DLGAP2: variants seen among roughly 807,000 people sequenced by gnomAD.
The protein encoded by DLGAP2 is DLG associated protein 2.
DLGAP2 carries 26 observed loss-of-function variants against 100.3 expected under a neutral mutation model. The observed-to-expected ratio is 0.26, with a 90% confidence interval of 0.19 to 0.36. The LOEUF (loss-of-function observed/expected upper bound fraction) is 0.36, where lower values mean the gene tolerates loss of function less well. Among genes scored for constraint, DLGAP2 ranks in the 10% least tolerant of loss-of-function variants. The pLI, the probability that DLGAP2 is intolerant of heterozygous loss-of-function variation, is 1.00. For synonymous variants in DLGAP2, 886 were observed against 630.1 expected (o/e 1.41, Z -6.08); for missense variants, 1,858 against 1,453.2 (o/e 1.28, Z -4.53).
At chr8:1,563,199 C>T (rs1264820288) in intron 5 of DLGAP2, among the ~76,000 whole-genome samples, 1 of 39,804 alleles carries the variant, frequency 2.5e-5, no homozygotes, top group Non-Finnish European at 4.7e-5. Context: ...GGGGTGTCTG[C>T]GCCTCGTTAC....
intron 12 of DLGAP2, among the ~76,000 whole-genome samples, chr8:1,689,696 T>C (rs886451376): frequency 6.6e-6 from 1 of 152,102 alleles, no homozygotes; most frequent in African/African-American, 2.4e-5. Flanking sequence ...TGACGCCCCG[T>C]GAGCCAGCTC....
chr8:1,656,747 T>G (rs1798293948), intron 8 of DLGAP2, among the ~76,000 whole-genome samples: 1 of 152,218 alleles, frequency 6.6e-6, no homozygotes, highest in Non-Finnish European at 1.5e-5. Flanking sequence ...TTACTATATG[T>G]GTGGCTCTCT....
intron 2 of DLGAP2, among the ~76,000 whole-genome samples, chr8:917,781 G>A (rs914421481): frequency 6.6e-6 from 1 of 151,922 alleles, no homozygotes; most frequent in South Asian, 2.1e-4. Flanking sequence ...GGGTTTCACC[G>A]TGTTGGCCAG....
intron 3 of DLGAP2, among the ~76,000 whole-genome samples, chr8:1,438,237 C>G (rs1797708773): frequency 6.6e-6 from 1 of 152,130 alleles, no homozygotes; most frequent in Non-Finnish European, 1.5e-5. Flanking sequence ...GTGTCTCAGA[C>G]TTTGAAGTCT....
chr8:1,311,458 C>T lies in DLGAP2; in HGVS notation c.106+52575C>T, dbSNP rs540454450. On this transcript the variant is annotated intron_variant, in intron 3 of 14. Coordinates refer to ENST00000637795, the MANE Select transcript of DLGAP2 (RefSeq NM_001346810.2). ...CCAGCATTACCGTGGTAGCTGAGCC[C>T]GATAAAAATGGTCATAGAAGAGAAA... Among the ~76,000 whole-genome samples, 31 of 152,172 alleles carry T rather than the reference C, an allele frequency of 2.0e-4. 1 individual carries two copies. The South Asian group carries it at 4.6e-3, about 22-fold the overall frequency.
Position 1,436,509 on chromosome 8 carries a change from A to C in DLGAP2, c.107-64857A>C, listed in dbSNP as rs368988106. Reference sequence around the variant, plus strand: ...TGACTCCAGTGTTAATCTCCTTTGGAAACACCCTCACAGACAACCCAGGAC... The same window carrying C: ...TGACTCCAGTGTTAATCTCCTTTGGCAACACCCTCACAGACAACCCAGGAC... On this transcript the variant is annotated intron_variant, in intron 3 of 14. Coordinates refer to ENST00000637795, the MANE Select transcript of DLGAP2 (RefSeq NM_001346810.2). Among the ~76,000 whole-genome samples, 235 of 152,288 alleles carry C rather than the reference A, an allele frequency of 1.5e-3. 1 individual carries two copies. The highest frequency in any genetic ancestry group is 5.4e-3 in the African/African-American group (223 of 41,574).
chr8:958,581 C>CAAA lies in DLGAP2; in HGVS notation c.73+50615_73+50616insAAA, dbSNP rs1563114216. On this transcript the variant is annotated intron_variant, in intron 2 of 14. Transcript: ENST00000637795. ...AGTTATTGGAAATTAAACTAGACCT[C>CAAA]CAAAAAAAAAAAAAAAAAAAAAACT... Among the ~76,000 whole-genome samples the CAAA allele has an allele frequency of 1.3e-3, 99 of 77,976 alleles. 2 individuals are homozygous for CAAA. The highest frequency in any genetic ancestry group is 5.5e-3 in the Middle Eastern group (1 of 182). 51.2% of individuals were successfully genotyped at this position (77,976 alleles called of 152,430 possible).
At chr8:1,029,827 G>A (rs918923972) in intron 2 of DLGAP2, among the ~76,000 whole-genome samples, 2 of 152,200 alleles carry the variant, frequency 1.3e-5, no homozygotes, top group African/African-American at 4.8e-5. Flanking sequence ...TGGGGTCAAA[G>A]GAGAGATGGG....
At chr8:1,683,954 G>GTGTATATATATATATA (rs1450063590) in intron 12 of DLGAP2, among the ~76,000 whole-genome samples, 62 of 74,724 alleles carry the variant, frequency 8.3e-4, no homozygotes, top group East Asian at 1.8e-3. Context: ...ATATATGTGT[G>GTGTATATATATATATA]TATATATATA....
chr8:1,705,230 C>T lies in DLGAP2; in HGVS notation c.*3824C>T. 1 of 152,422 alleles carries T rather than the reference C, an allele frequency of 6.6e-6. No homozygotes were observed. Among genetic ancestry groups the T allele is most frequent in the Non-Finnish European group, 1.5e-5 (1 of 68,134 alleles). 9.4% of individuals were successfully genotyped at this position (152,422 alleles called of 1,614,324 possible). A position where few individuals can be genotyped will look rare whatever the true frequency, so the allele number is the denominator to read the frequency against. On this transcript the variant is annotated 3_prime_UTR_variant, in exon 15 of 15. Transcript: ENST00000637795. ...GGGTCCAAGTCTCCCTCAGGAAGGC[C>T]TTTTCTATCGGCAGCAATTCCATCA...
chr8:1,449,731 G>A (rs1281683803), intron 3 of DLGAP2, among the ~76,000 whole-genome samples: 1 of 152,180 alleles, frequency 6.6e-6, no homozygotes, highest in Non-Finnish European at 1.5e-5. Flanking sequence ...AAGCCTTGCT[G>A]TAAGGATGCA....
chr8:1,157,660 A>G (rs1796816830), intron 2 of DLGAP2, among the ~76,000 whole-genome samples: 1 of 152,218 alleles, frequency 6.6e-6, no homozygotes, highest in Admixed American at 6.5e-5. Flanking sequence ...CTGTAGGAAG[A>G]TAATTCTAAA....
At chr8:1,639,241 C>T (rs1251871607) in intron 8 of DLGAP2, among the ~76,000 whole-genome samples, 6 of 152,102 alleles carry the variant, frequency 3.9e-5, no homozygotes, top group African/African-American at 1.2e-4. Flanking sequence ...GAGCCCACAG[C>T]GTCAGCATCG....
intron 3 of DLGAP2, among the ~76,000 whole-genome samples, chr8:1,478,585 C>T (rs192250609): frequency 1.1e-4 from 17 of 152,078 alleles, no homozygotes; most frequent in Admixed American, 2.6e-4. Flanking sequence ...AGATCTGGTC[C>T]GGGACGCGGC....
intron 3 of DLGAP2, among the ~76,000 whole-genome samples, chr8:1,299,666 CCTAT>C (rs1800283639): frequency 6.6e-6 from 1 of 152,112 alleles, no homozygotes; most frequent in Non-Finnish European, 1.5e-5. Context: ...AATGCTATTC[CCTAT>C]CTAATATTTT....
chr8:828,475 G>C (rs903164180), intron 1 of DLGAP2, among the ~76,000 whole-genome samples: 2 of 152,202 alleles, frequency 1.3e-5, no homozygotes, highest in African/African-American at 4.8e-5. Flanking sequence ...CCGGTGGTCA[G>C]AGTTTAAGGT....
intron 3 of DLGAP2, among the ~76,000 whole-genome samples, chr8:1,326,829 A>G (rs994448799): frequency 6.6e-6 from 1 of 152,226 alleles, no homozygotes; most frequent in Non-Finnish European, 1.5e-5. Flanking sequence ...CCATTTTCAC[A>G]GTACCTTCCT....
At chr8:906,376 A>C (rs912977247) in intron 1 of DLGAP2, among the ~76,000 whole-genome samples, 4 of 152,216 alleles carry the variant, frequency 2.6e-5, no homozygotes, top group African/African-American at 9.6e-5. Flanking sequence ...CTGGTGGATC[A>C]TTGAATCCCT....
At chr8:1,387,397 C>T (rs910067876) in intron 3 of DLGAP2, among the ~76,000 whole-genome samples, 11 of 152,126 alleles carry the variant, frequency 7.2e-5, no homozygotes, top group East Asian at 3.9e-4. Context: ...GCAGTGGCCA[C>T]GGGGCTGCAG....
Sources: allele counts gnomAD v4.1 joint callset (sites outside exome capture counted in the v4.1 genomes callset), GRCh38; gene constraint gnomAD v4.1.1; transcripts MANE v1.5; gene names NCBI Gene and HGNC (gene_info 2026-07-23, HGNC 2026-07-21).